Variants in SLC38A6 observed in about 807,000 individuals in gnomAD.
SLC38A6 encodes solute carrier family 38 member 6.
Under a neutral mutation model 65.0 loss-of-function variants are expected in SLC38A6, and 73 were observed. That is an observed-to-expected ratio of 1.12 (90% CI 0.93 to 1.37). The LOEUF is 1.37. Ranked by LOEUF, SLC38A6 falls within the 40% of genes most tolerant of loss-of-function variation. The pLI is 0.00. For synonymous variants in SLC38A6, 183 were observed against 178.8 expected, an observed-to-expected ratio of 1.02 and a Z score of -0.19; for missense variants, 561 against 531.1, an observed-to-expected ratio of 1.06 and a Z score of -0.55.
chr14:61,037,544 AT>A, intron 7 of SLC38A6, 80 bp from the exon 8 acceptor site: 2 of 949,626 alleles, frequency 2.1e-6, no homozygotes. Flanking sequence ...AATAGAAAAC[AT>A]GCCTAAGATG....
At chr14:61,029,706 TGTTA>T (rs2040833239) in intron 5 of SLC38A6, among the ~76,000 whole-genome samples, 1 of 152,216 alleles carries the variant, frequency 6.6e-6, no homozygotes, top group Non-Finnish European at 1.5e-5. Flanking sequence ...TATCGGACTC[TGTTA>T]GATTAAATGT....
At chr14:60,981,584 T>G in intron 1 of SLC38A6, 1 of 1,516,534 alleles carries the variant, frequency 6.6e-7, no homozygotes, top group Non-Finnish European at 8.8e-7. Flanking sequence ...CCTAGCATAC[T>G]CTAGAAAGAA....
chr14:61,068,344 C>G (rs2043102935), intron 15 of SLC38A6, among the ~76,000 whole-genome samples: 2 of 152,272 alleles, frequency 1.3e-5, no homozygotes, highest in East Asian at 1.9e-4. Context: ...GATTATATTG[C>G]TACCCTGATT....
chr14:61,013,276 GTC>G (rs2039723833), intron 3 of SLC38A6, among the ~76,000 whole-genome samples: 1 of 152,122 alleles, frequency 6.6e-6, no homozygotes, highest in Non-Finnish European at 1.5e-5. Flanking sequence ...GCCTATGTGT[GTC>G]TCTGCACATG....
At chr14:61,047,221 C>T (rs1172458144) in intron 12 of SLC38A6, among the ~76,000 whole-genome samples, 3 of 152,098 alleles carry the variant, frequency 2.0e-5, no homozygotes, top group Non-Finnish European at 4.4e-5. Context: ...TGGAAGAAAC[C>T]TCAGATGGCT....
At position 61,083,494 on chromosome 14, in the gene SLC38A6, T is replaced by C. The variant is rs148116436; in HGVS notation, c.1409-61T>C. On this transcript the variant is annotated intron_variant, in intron 16 of 16. Transcript: ENST00000354886. Reference sequence around the variant, plus strand: ...GGAGATAGGGTCTTTAAAGAAGTAATTAAATTAAAATGAGGCCATTAAGCC... The same window carrying C: ...GGAGATAGGGTCTTTAAAGAAGTAACTAAATTAAAATGAGGCCATTAAGCC... 1.1e-3 allele frequency: 1,591 copies of C among 1,514,688 alleles called. 35 individuals carry two copies. The Admixed American group carries it at 0.033, about 32-fold the overall frequency. The allele number at this position is 1,514,688 out of a possible 1,614,324, so 93.8% of individuals were successfully genotyped here. A position where few individuals can be genotyped will look rare whatever the true frequency, so the allele number is the denominator to read the frequency against.
At chr14:61,046,245 A>T in intron 12 of SLC38A6, 78 bp downstream of exon 12, 1 of 895,242 alleles carries the variant, frequency 1.1e-6, no homozygotes, top group South Asian at 1.7e-5. Flanking sequence ...GACTTTACCT[A>T]TGCCTTTTAT....
At chr14:61,006,055 C>G (rs1311308904) in intron 3 of SLC38A6, among the ~76,000 whole-genome samples, 5 of 152,102 alleles carry the variant, frequency 3.3e-5, no homozygotes, top group South Asian at 4.1e-4. Context: ...TTTGACAAAC[C>G]TGAGAAAAAC....
chr14:61,037,028 C>T, intron 6 of SLC38A6, 31 bp from the exon 7 acceptor site: 2 of 1,349,910 alleles, frequency 1.5e-6, no homozygotes, highest in Non-Finnish European at 1.0e-6. Context: ...ACTGGAGTCC[C>T]ATGCCTAAAG....
chr14:61,045,747 G>A (rs541209297), intron 11 of SLC38A6, among the ~76,000 whole-genome samples: 2 of 152,124 alleles, frequency 1.3e-5, no homozygotes, highest in South Asian at 2.1e-4. Context: ...ATAGCCGGAC[G>A]TGGTGGCGGG....
chr14:61,050,711 A>G (rs931330264), intron 13 of SLC38A6, 75 bp downstream of exon 13: 5 of 1,281,148 alleles, frequency 3.9e-6, no homozygotes, highest in Non-Finnish European at 5.1e-6. Context: ...TTTGCAGAAT[A>G]GAATGTTTGA....
At chr14:61,067,799 T>TA (rs1566728779) in intron 15 of SLC38A6, among the ~76,000 whole-genome samples, 2 of 152,196 alleles carry the variant, frequency 1.3e-5, no homozygotes, top group African/African-American at 4.8e-5. Flanking sequence ...TTCATCCTGT[T>TA]AGCTTCAGTG....
chr14:61,005,433 C>G (rs1445308758), intron 3 of SLC38A6, among the ~76,000 whole-genome samples: 1 of 141,742 alleles, frequency 7.1e-6, no homozygotes, highest in African/African-American at 2.5e-5. Context: ...CTAGAAAACC[C>G]CATTGTCTCA....
chr14:60,998,114 A>T (rs1358004142), intron 3 of SLC38A6, among the ~76,000 whole-genome samples: 2 of 151,704 alleles, frequency 1.3e-5, no homozygotes, highest in Non-Finnish European at 2.9e-5. Flanking sequence ...GCATAGTGAT[A>T]TCTTAGAAGA....
intron 16 of SLC38A6, among the ~76,000 whole-genome samples, chr14:61,082,668 G>C (rs764258909): frequency 6.6e-6 from 1 of 152,182 alleles, no homozygotes; most frequent in Non-Finnish European, 1.5e-5. Flanking sequence ...ATGAACAGTA[G>C]AGAAGGGTCA....
intron 3 of SLC38A6, among the ~76,000 whole-genome samples, chr14:61,013,427 A>G (rs932257622): frequency 1.3e-5 from 2 of 152,144 alleles, no homozygotes; most frequent in African/African-American, 4.8e-5. Context: ...TCCTGTCGTT[A>G]TGATGTTAGC....
intron 4 of SLC38A6, among the ~76,000 whole-genome samples, chr14:61,016,654 G>T (rs1199475839): frequency 6.6e-6 from 1 of 152,148 alleles, no homozygotes; most frequent in East Asian, 1.9e-4. Flanking sequence ...GTTACTGTTA[G>T]TGCTATAGTA....
chr14:61,032,124 T>A (rs1214695827), intron 6 of SLC38A6, among the ~76,000 whole-genome samples: 1 of 151,948 alleles, frequency 6.6e-6, no homozygotes, highest in Non-Finnish European at 1.5e-5. Flanking sequence ...ACGTGGTGTT[T>A]CCCTTTTTGC....
At chr14:61,045,254 G>T (rs2042065396) in intron 10 of SLC38A6, 92 bp from the exon 11 acceptor site, 5 of 797,538 alleles carry the variant, frequency 6.3e-6, no homozygotes, top group South Asian at 3.3e-5. Context: ...TAATCAAATT[G>T]ATTTTTTAAA....
Sources: gnomAD v4.1 joint callset for allele counts (sites outside exome capture counted in the v4.1 genomes callset) on GRCh38, gnomAD v4.1.1 for gene constraint, MANE v1.5 for transcripts, NCBI Gene and HGNC (gene_info 2026-07-23, HGNC 2026-07-21) for gene names.